The following NME9 variants were observed in gnomAD, a reference collection of about 807,000 sequenced individuals.
NME9 encodes NME/NM23 family member 9.
A neutral mutation model predicts 44.4 loss-of-function variants in NME9; 48 were observed. The observed-to-expected ratio is 1.08, with a 90% CI of 0.86 to 1.37. NME9 has a LOEUF of 1.37. Ranked by LOEUF, NME9 falls within the 40% of genes most tolerant of loss-of-function variation. The pLI is 0.00. For synonymous variants in NME9, 139 were observed against 147.1 expected (o/e 0.94, Z 0.40); for missense variants, 325 against 405.2 (o/e 0.80, Z 1.70).
At chr3:138,320,275 T>C (rs918455001) in intron 2 of NME9, among the ~76,000 whole-genome samples, 3 of 152,192 alleles carry the variant, frequency 2.0e-5, no homozygotes, top group African/African-American at 7.2e-5. Context: ...ACTGGATCTG[T>C]GCAGGACCTG....
At chr3:138,321,899 G>A (rs2053487013) in intron 2 of NME9, among the ~76,000 whole-genome samples, 2 of 146,746 alleles carry the variant, frequency 1.4e-5, no homozygotes. Context: ...ACTCTAAACA[G>A]GCTGGGTTTT....
At chr3:138,305,063 G>A (rs1248695594) in intron 8 of NME9, 36 bp from the exon 9 acceptor site, 1 of 1,602,358 alleles carries the variant, frequency 6.2e-7, no homozygotes, top group Non-Finnish European at 8.5e-7. Context: ...ACCAGGGCAG[G>A]AGCTGCTAGG....
intron 8 of NME9, among the ~76,000 whole-genome samples, chr3:138,276,111 C>T (rs1426610153): frequency 6.6e-6 from 1 of 152,102 alleles, no homozygotes; most frequent in African/African-American, 2.4e-5. Context: ...AAATGAAAGA[C>T]CAACAACAGT....
chr3:138,263,608 G>GT (rs2047973538), intron 8 of NME9: 1 of 809,930 alleles, frequency 1.2e-6, no homozygotes, highest in South Asian at 1.5e-5. Flanking sequence ...CAAGATGATT[G>GT]TTTGAGAGGT....
In NME9 at chr3:138,319,669, C is replaced by T; in HGVS notation, c.92-88G>A. 3 of 702,594 alleles carry T rather than the reference C, an allele frequency of 4.3e-6. No homozygotes were observed. The South Asian group carries it at 4.7e-5, about 11-fold the overall frequency. The allele number at this position is 702,594 out of a possible 1,614,324, so 43.5% of individuals were successfully genotyped here. ...TTTATACCTGTACATTCTAACCCCC[C>T]TCAAATGGACATTCATTTGCCGGGA... On this transcript the variant is annotated intron_variant, in intron 2 of 10. Coordinates refer to ENST00000333911, the MANE Select transcript of NME9 (RefSeq NM_001349018.2).
At chr3:138,290,406 C>T (rs2050824315) in intron 8 of NME9, 2 of 636,834 alleles carry the variant, frequency 3.1e-6, no homozygotes, top group Non-Finnish European at 5.5e-6. Flanking sequence ...GGTCCAACTA[C>T]ATTGGGAGAG....
intron 6 of NME9, among the ~76,000 whole-genome samples, chr3:138,307,982 A>G (rs1442657259): frequency 6.6e-6 from 1 of 152,180 alleles, no homozygotes; most frequent in African/African-American, 2.4e-5. Context: ...CGGGGCATGA[A>G]TGGAAAGTGA....
intron 8 of NME9, chr3:138,289,248 CTA>C: frequency 1.5e-6 from 1 of 687,224 alleles, no homozygotes; most frequent in Non-Finnish European, 2.5e-6. Context: ...CAAGCACCCT[CTA>C]GAGTTGCCCT....
intron 6 of NME9, among the ~76,000 whole-genome samples, chr3:138,310,737 C>T (rs2052642279): frequency 6.6e-6 from 1 of 151,922 alleles, no homozygotes; most frequent in Non-Finnish European, 1.5e-5. Context: ...AATACACATC[C>T]AAAATCTACA....
chr3:138,263,128 C>T (rs776649017), intron 8 of NME9, among the ~76,000 whole-genome samples: 4 of 152,254 alleles, frequency 2.6e-5, no homozygotes, highest in Non-Finnish European at 4.4e-5. Context: ...TTCCTTCACA[C>T]ACTATTTATT....
intron 3 of NME9, among the ~76,000 whole-genome samples, chr3:138,318,589 C>A (rs2053258019): frequency 2.0e-5 from 3 of 152,090 alleles, no homozygotes; most frequent in South Asian, 4.2e-4. Flanking sequence ...ATCCCCCACG[C>A]AAGCCCTTCT....
At chr3:138,265,666 G>A (rs763763000) in intron 8 of NME9, among the ~76,000 whole-genome samples, 1 of 152,202 alleles carries the variant, frequency 6.6e-6, no homozygotes, top group Non-Finnish European at 1.5e-5. Context: ...ATAGCATGAG[G>A]AGAAACATTA....
chr3:138,264,354 T>C (rs944614282), intron 8 of NME9: 1 of 580,460 alleles, frequency 1.7e-6, no homozygotes, highest in Non-Finnish European at 3.0e-6. Context: ...AAATCTGATA[T>C]TCTAAGCATC....
intron 8 of NME9, chr3:138,287,973 C>A (rs2050585222): frequency 5.4e-6 from 1 of 184,692 alleles, no homozygotes; most frequent in Non-Finnish European, 1.1e-5. Flanking sequence ...GTTGTACTTT[C>A]AGTACATAAA....
intron 3 of NME9, among the ~76,000 whole-genome samples, chr3:138,318,691 G>A (rs1196485490): frequency 6.6e-6 from 1 of 152,132 alleles, no homozygotes; most frequent in African/African-American, 2.4e-5. Flanking sequence ...ATTATTGTAA[G>A]TTATATTTTC....
rs2053210300 is a variant in NME9 at position 138,318,083 on chromosome 3, G to A, written c.267+65C>T. On this transcript the variant is annotated intron_variant, in intron 4 of 10. Transcript: ENST00000333911. Reference sequence around the variant, plus strand: ...AAGAGTGAATTAATGTCAGTGAGATGCTTCTATTTTGAACTCTAATGATTT... The same window carrying A: ...AAGAGTGAATTAATGTCAGTGAGATACTTCTATTTTGAACTCTAATGATTT... 9.1e-6 allele frequency: 9 copies of A among 984,962 alleles called. 1 individual carries two copies. In the South Asian group the frequency reaches 1.2e-4, roughly 13 times the overall value. 61.0% of individuals were successfully genotyped at this position (984,962 alleles called of 1,614,324 possible).
intron 6 of NME9, among the ~76,000 whole-genome samples, chr3:138,312,586 C>T (rs1442068769): frequency 6.6e-6 from 1 of 152,158 alleles, no homozygotes; most frequent in East Asian, 1.9e-4. Context: ...CTATTTCTCA[C>T]CATATACAAA....
intron 2 of NME9, among the ~76,000 whole-genome samples, chr3:138,321,703 G>A (rs544918875): frequency 2.0e-5 from 3 of 152,196 alleles, no homozygotes; most frequent in Admixed American, 2.0e-4. Context: ...ACCAAGCTGG[G>A]TATAGGAGGA....
At chr3:138,288,984 CA>C (rs891398550) in intron 8 of NME9, 575 of 1,348,658 alleles carry the variant, frequency 4.3e-4, no homozygotes, top group South Asian at 6.5e-4. Flanking sequence ...TAGGTCCCCC[CA>C]AAAAAAAATC....
Sources: allele counts gnomAD v4.1 joint callset (sites outside exome capture counted in the v4.1 genomes callset), GRCh38; gene constraint gnomAD v4.1.1; transcripts MANE v1.5; gene names NCBI Gene and HGNC (gene_info 2026-07-23, HGNC 2026-07-21).